CALD1: variants seen among roughly 807,000 people sequenced by gnomAD.
The protein encoded by CALD1 is caldesmon 1.
CALD1 carries 33 observed loss-of-function variants against 99.9 expected under a neutral mutation model. The ratio of observed to expected loss-of-function variants is 0.33; its 90% CI spans 0.25 to 0.44. CALD1 has a LOEUF of 0.44. CALD1 is among the 20% of genes least tolerant of loss of function. The probability of loss-of-function intolerance (pLI) is 1.00; values close to 1 mark genes in which losing one functional copy is unlikely to be tolerated. For synonymous variants in CALD1, 310 were observed against 325.0 expected, an observed-to-expected ratio of 0.95 and a Z score of 0.50; for missense variants, 861 against 962.1, an observed-to-expected ratio of 0.89 and a Z score of 1.39.
At chr7:134,792,828 C>A (rs933114610) in intron 1 of CALD1, among the ~76,000 whole-genome samples, 2 of 152,194 alleles carry the variant, frequency 1.3e-5, no homozygotes, top group African/African-American at 2.4e-5. Context: ...AGCTCAAGTG[C>A]CAAAGACCCT....
chr7:134,944,928 A>G (rs1022143224), intron 7 of CALD1, among the ~76,000 whole-genome samples: 1 of 152,224 alleles, frequency 6.6e-6, no homozygotes, highest in Admixed American at 6.5e-5. Flanking sequence ...GAGTATCGAC[A>G]TGTTTTAAAA....
chr7:134,733,842 T>A, the CALD1 span, among the ~76,000 whole-genome samples: 98,608 of 149,310 alleles, frequency 0.66, 33,074 homozygotes, highest in East Asian at 0.89. Context: ...AAAAACAAAA[T>A]AGGTCTGCTA....
upstream of CALD1, among the ~76,000 whole-genome samples, chr7:134,777,833 TTCTA>T: frequency 6.6e-6 from 1 of 152,340 alleles, no homozygotes. Context: ...TGTAGTATTA[TTCTA>T]TCTTTCCTTC....
At chr7:134,796,307 C>G (rs1175992334) in intron 1 of CALD1, among the ~76,000 whole-genome samples, 1 of 152,164 alleles carries the variant, frequency 6.6e-6, no homozygotes, top group East Asian at 1.9e-4. Context: ...TCTATGATGC[C>G]AAGGTGGGGA....
At chr7:134,726,773 A>T in the CALD1 span, among the ~76,000 whole-genome samples, 1 of 152,200 alleles carries the variant, frequency 6.6e-6, no homozygotes, top group African/African-American at 2.4e-5. Context: ...ACAGACTTCA[A>T]AACCAGGCTT....
At chr7:134,716,218 C>G in the CALD1 span, among the ~76,000 whole-genome samples, 4 of 152,148 alleles carry the variant, frequency 2.6e-5, no homozygotes, top group Non-Finnish European at 2.9e-5. Flanking sequence ...TAGATGTACT[C>G]TGAGGGAAAA....
At chr7:134,717,183 T>G in the CALD1 span, among the ~76,000 whole-genome samples, 1 of 152,246 alleles carries the variant, frequency 6.6e-6, no homozygotes, top group African/African-American at 2.4e-5. Flanking sequence ...TTGTTAAAAC[T>G]GATTAATCAA....
chr7:134,953,162 T>C (rs1044251142), intron 9 of CALD1, among the ~76,000 whole-genome samples: 4 of 152,184 alleles, frequency 2.6e-5, no homozygotes, highest in Non-Finnish European at 5.9e-5. Flanking sequence ...TTTGATTTTT[T>C]TTTAACCGTT....
chr7:134,795,013 G>A lies in CALD1; in HGVS notation c.-130+15264G>A, dbSNP rs567299944. ...GAGTATTTTCCTCTTGTAAGTCGCT[G>A]GAAGCCAGTCCACTGATACCTGAAA... On this transcript the variant is annotated intron_variant, in intron 1 of 14. Transcript: ENST00000361675. Among the ~76,000 whole-genome samples, 12 of 152,280 alleles carry A rather than the reference G, an allele frequency of 7.9e-5. No homozygotes were observed. The East Asian group carries it at 2.1e-3, about 27-fold the overall frequency.
intron 2 of CALD1, among the ~76,000 whole-genome samples, chr7:134,847,951 G>T (rs3800730): frequency 0.51 from 78,199 of 152,048 alleles, 22,410 homozygotes; most frequent in African/African-American, 0.78. Context: ...GTTCCAACTG[G>T]AATAGCATTT....
chr7:134,865,769 T>G (rs1369627341), intron 2 of CALD1, among the ~76,000 whole-genome samples: 3 of 152,146 alleles, frequency 2.0e-5, no homozygotes, highest in Non-Finnish European at 4.4e-5. Context: ...GAGATATTCA[T>G]TTCACTGCTC....
intron 9 of CALD1, 41 bp downstream of exon 9, chr7:134,950,555 A>C: frequency 6.5e-7 from 1 of 1,549,736 alleles, no homozygotes; most frequent in Non-Finnish European, 8.9e-7. Flanking sequence ...AATATGATAG[A>C]GACTGGATTT....
intron 3 of CALD1, among the ~76,000 whole-genome samples, chr7:134,881,951 A>G (rs968007102): frequency 6.6e-6 from 1 of 152,196 alleles, no homozygotes; most frequent in African/African-American, 2.4e-5. Context: ...TTACGAGGAG[A>G]ACCCTACTCC....
intron 2 of CALD1, among the ~76,000 whole-genome samples, chr7:134,863,235 T>G (rs895536255): frequency 9.9e-5 from 15 of 152,220 alleles, no homozygotes; most frequent in African/African-American, 3.6e-4. Context: ...GCTTTTTTTC[T>G]GCTCTAAGAA....
intron 3 of CALD1, among the ~76,000 whole-genome samples, chr7:134,914,624 A>T (rs528221254): frequency 2.0e-5 from 3 of 152,296 alleles, no homozygotes; most frequent in East Asian, 3.9e-4. Context: ...AATGCCCTTC[A>T]TGCCTTCCAA....
Position 134,933,217 on chromosome 7 carries a change from G to A in CALD1, c.448G>A (p.Glu150Lys), listed in dbSNP as rs569979265. ...AGCAGAAAATGAAACTACCGAGAAGGAAGAAAAAAGTGAAAGTCGCCAAGA... is the reference window on the plus strand; with the variant it reads ...AGCAGAAAATGAAACTACCGAGAAGAAAGAAAAAAGTGAAAGTCGCCAAGA... Reference protein sequence around the residue: ...DTAENETTEKEEKSESRQERY... With the variant: ...DTAENETTEKKEKSESRQERY... The change falls in exon 5 of 15, where the codon GAA becomes AAA. Residue 150 changes from glutamate (E) to lysine (K), a missense_variant. This residue lies in a region of CALD1 where 234 missense variants were observed against 233.1 expected (regional missense o/e 1.00). Transcript: ENST00000361675. 8.1e-5 allele frequency: 130 copies of A among 1,610,526 alleles called. 1 individual carries two copies. In the South Asian group the frequency reaches 1.3e-3, roughly 17 times the overall value.
intron 7 of CALD1, among the ~76,000 whole-genome samples, chr7:134,947,119 C>T (rs2133116706): frequency 2.0e-5 from 3 of 152,280 alleles, no homozygotes; most frequent in East Asian, 1.9e-4. Flanking sequence ...GCTATGAACA[C>T]GGGTATACAA....
chr7:134,724,162 A>G, the CALD1 span, among the ~76,000 whole-genome samples: 3 of 152,290 alleles, frequency 2.0e-5, no homozygotes, highest in African/African-American at 7.2e-5. Flanking sequence ...GGGAAAGGGC[A>G]AGCCTGGCCA....
intron 1 of CALD1, among the ~76,000 whole-genome samples, chr7:134,748,107 A>G (rs533765586): frequency 6.6e-6 from 1 of 152,386 alleles, no homozygotes; most frequent in South Asian, 2.1e-4. Context: ...TGGAACACTG[A>G]GCCAAAAAGA....
Sources: allele counts gnomAD v4.1 joint callset (sites outside exome capture counted in the v4.1 genomes callset), GRCh38; gene constraint gnomAD v4.1.1; regional missense constraint gnomAD v4.1.1; transcripts MANE v1.5; gene names NCBI Gene and HGNC (gene_info 2026-07-23, HGNC 2026-07-21).